Variants in LRP1B observed in about 807,000 individuals in gnomAD.
LRP1B encodes low-density lipoprotein receptor-related protein 1B.
A neutral mutation model predicts 556.6 loss-of-function variants in LRP1B; 217 were observed. That is an observed-to-expected ratio of 0.39 (90% CI 0.35 to 0.44). The LOEUF (loss-of-function observed/expected upper bound fraction) is 0.44. LRP1B is among the 20% of genes least tolerant of loss of function. The probability of loss-of-function intolerance (pLI) is 1.00; values close to 1 mark genes in which losing one functional copy is unlikely to be tolerated. For missense variants in LRP1B, 5,053 were observed against 5,620.8 expected (o/e 0.90, Z 3.23); for synonymous variants, 2,047 against 1,865.8 (o/e 1.10, Z -2.50).
chr2:140,985,657 G>A (rs898132839), intron 17 of LRP1B, among the ~76,000 whole-genome samples: 2 of 151,752 alleles, frequency 1.3e-5, no homozygotes, highest in Non-Finnish European at 1.5e-5. Context: ...TGTATGTGCT[G>A]TTTCCTCTTC....
At chr2:141,003,869 C>G (rs889429673) in intron 15 of LRP1B, among the ~76,000 whole-genome samples, 3 of 151,996 alleles carry the variant, frequency 2.0e-5, no homozygotes, top group African/African-American at 7.2e-5. Context: ...ATCTTACCTA[C>G]AATTATTATC....
intron 11 of LRP1B, among the ~76,000 whole-genome samples, chr2:141,021,908 T>TA (rs991686980): frequency 1.3e-5 from 2 of 151,974 alleles, no homozygotes; most frequent in African/African-American, 4.8e-5. Context: ...TGGAATACAG[T>TA]AACTTCTCAG....
At chr2:141,989,759 T>C (rs929383026) in intron 1 of LRP1B, among the ~76,000 whole-genome samples, 3 of 152,028 alleles carry the variant, frequency 2.0e-5, no homozygotes, top group Admixed American at 6.6e-5. Context: ...TGTGAAGAGG[T>C]GACTTTGCTA....
chr2:141,096,512 G>T (rs771083191), intron 7 of LRP1B, among the ~76,000 whole-genome samples: 1 of 151,880 alleles, frequency 6.6e-6, no homozygotes, highest in East Asian at 2.0e-4. Flanking sequence ...CGCTTGAATT[G>T]CTAAATTATG....
At chr2:141,342,694 A>G (rs1242750907) in intron 3 of LRP1B, among the ~76,000 whole-genome samples, 1 of 152,146 alleles carries the variant, frequency 6.6e-6, no homozygotes, top group East Asian at 1.9e-4. Flanking sequence ...AAAGGAACAA[A>G]CAAAGCCTTC....
At chr2:140,737,541 C>T (rs959922645) in intron 35 of LRP1B, among the ~76,000 whole-genome samples, 3 of 152,112 alleles carry the variant, frequency 2.0e-5, no homozygotes, top group Non-Finnish European at 4.4e-5. Context: ...AATGGACATA[C>T]CTGGCATTTG....
chr2:140,239,416 T>C, intron 88 of LRP1B, 26 bp downstream of exon 88: 2 of 1,431,394 alleles, frequency 1.4e-6, no homozygotes, highest in Non-Finnish European at 1.9e-6. Flanking sequence ...ATTCACTGAC[T>C]GCTAATCTAG....
chr2:140,812,924 A>G (rs912866215), intron 32 of LRP1B, among the ~76,000 whole-genome samples: 1 of 152,146 alleles, frequency 6.6e-6, no homozygotes, highest in African/African-American at 2.4e-5. Flanking sequence ...CTAAATCAAT[A>G]TTCAGCCATC....
chr2:140,679,164 C>T (rs1385223869), intron 41 of LRP1B, among the ~76,000 whole-genome samples: 1 of 152,164 alleles, frequency 6.6e-6, no homozygotes, highest in Non-Finnish European at 1.5e-5. Flanking sequence ...TCCTAATTTG[C>T]TGCTATTAGA....
chr2:141,520,689 C>T (rs1684495386), intron 2 of LRP1B, among the ~76,000 whole-genome samples: 2 of 152,058 alleles, frequency 1.3e-5, no homozygotes, highest in Admixed American at 6.6e-5. Context: ...AAGCTTTTTG[C>T]TCTCCTTGTT....
intron 43 of LRP1B, among the ~76,000 whole-genome samples, chr2:140,588,748 G>A (rs549186041): frequency 2.6e-5 from 4 of 152,070 alleles, no homozygotes; most frequent in Admixed American, 1.3e-4. Context: ...GGTGGATCAC[G>A]AGGTCAGGAG....
intron 7 of LRP1B, among the ~76,000 whole-genome samples, chr2:141,149,081 A>C (rs1248112701): frequency 6.7e-6 from 1 of 149,014 alleles, no homozygotes; most frequent in East Asian, 2.0e-4. Context: ...GCGATCTCTC[A>C]AAAAAAAAAG....
chr2:141,796,603 T>A (rs1040451849), intron 2 of LRP1B, among the ~76,000 whole-genome samples: 2 of 150,578 alleles, frequency 1.3e-5, no homozygotes, highest in African/African-American at 4.9e-5. Context: ...TTTGGCTTTG[T>A]ATGACATGTG....
chr2:140,636,567 C>A (rs1057406006), intron 41 of LRP1B, among the ~76,000 whole-genome samples: 17 of 152,062 alleles, frequency 1.1e-4, no homozygotes, highest in African/African-American at 4.1e-4. Flanking sequence ...ATTGTCTATT[C>A]TTTAGCAGCT....
intron 41 of LRP1B, among the ~76,000 whole-genome samples, chr2:140,649,226 G>T (rs532067859): frequency 6.6e-6 from 1 of 152,144 alleles, no homozygotes; most frequent in South Asian, 2.1e-4. Flanking sequence ...CCTAATTCAA[G>T]GTGGAAATAA....
chr2:141,081,317 A>G (rs902134576), intron 7 of LRP1B, among the ~76,000 whole-genome samples: 27 of 152,168 alleles, frequency 1.8e-4, no homozygotes, highest in Non-Finnish European at 4.4e-5. Flanking sequence ...TAACTGCTAC[A>G]CTTCACTTCT....
At chr2:141,278,240 C>A (rs181206146) in intron 3 of LRP1B, among the ~76,000 whole-genome samples, 200 of 152,152 alleles carry the variant, frequency 1.3e-3, no homozygotes, top group African/African-American at 4.7e-3. Flanking sequence ...TTGCTCAGTC[C>A]CAGGAAGAGT....
chr2:140,893,494 T>C (rs2105206021), intron 23 of LRP1B, among the ~76,000 whole-genome samples: 1 of 152,318 alleles, frequency 6.6e-6, no homozygotes, highest in Middle Eastern at 3.4e-3. Context: ...TCAAAACCTT[T>C]GCCCTAACAT....
At chr2:140,319,478 T>C (rs541516846) in intron 82 of LRP1B, among the ~76,000 whole-genome samples, 1 of 152,058 alleles carries the variant, frequency 6.6e-6, no homozygotes, top group Non-Finnish European at 1.5e-5. Flanking sequence ...TGTCGACAGT[T>C]AAAGGATCTG....
Sources: gnomAD v4.1 joint callset for allele counts (sites outside exome capture counted in the v4.1 genomes callset) on GRCh38, gnomAD v4.1.1 for gene constraint, MANE v1.5 for transcripts, NCBI Gene and HGNC (gene_info 2026-07-23, HGNC 2026-07-21) for gene names.